Variants in FAR2 observed in about 807,000 individuals in gnomAD.
FAR2 encodes fatty acyl-CoA reductase 2.
FAR2 carries 19 observed loss-of-function variants against 56.0 expected under a neutral mutation model. The observed-to-expected ratio is 0.34, with a 90% CI of 0.24 to 0.50. FAR2 has a LOEUF of 0.50. FAR2 is among the 20% of genes least tolerant of loss of function. The pLI, the probability that FAR2 is intolerant of heterozygous loss-of-function variation, is 0.98. For missense variants in FAR2, 508 were observed against 642.2 expected (o/e 0.79, Z 2.26); for synonymous variants, 219 against 218.8 (o/e 1.00, Z -0.01).
At chr12:29,270,958 A>C (rs972146817) in intron 2 of FAR2, among the ~76,000 whole-genome samples, 1 of 152,102 alleles carries the variant, frequency 6.6e-6, no homozygotes, top group Non-Finnish European at 1.5e-5. Flanking sequence ...TTCTTCACTA[A>C]TTTTCTTTTA....
intron 1 of FAR2, chr12:29,151,844 C>T (rs996574354): frequency 6.6e-6 from 1 of 152,148 alleles, no homozygotes; most frequent in Non-Finnish European, 1.5e-5. Flanking sequence ...TGTACTATCT[C>T]TAAGTAAAAA....
At chr12:29,230,689 T>C (rs1400681661) in intron 1 of FAR2, among the ~76,000 whole-genome samples, 1 of 151,918 alleles carries the variant, frequency 6.6e-6, no homozygotes, top group Admixed American at 6.6e-5. Flanking sequence ...TGGATATACT[T>C]TGAAGGTAGA....
chr12:29,229,311 G>T (rs562048359), intron 1 of FAR2, among the ~76,000 whole-genome samples: 2 of 152,296 alleles, frequency 1.3e-5, no homozygotes, highest in South Asian at 4.1e-4. Context: ...AACAAGCTCT[G>T]CAGGTGACTG....
intron 1 of FAR2, among the ~76,000 whole-genome samples, chr12:29,195,999 A>G (rs1950140546): frequency 1.3e-5 from 2 of 152,162 alleles, no homozygotes; most frequent in Admixed American, 1.3e-4. Flanking sequence ...AATGGCCTAC[A>G]GTTTCATTCA....
chr12:29,331,082 C>A (rs1344677446), intron 10 of FAR2, among the ~76,000 whole-genome samples: 2 of 152,040 alleles, frequency 1.3e-5, no homozygotes, highest in Non-Finnish European at 2.9e-5. Flanking sequence ...CTAGGAATAT[C>A]ATTTATTTGA....
chr12:29,242,250 T>C (rs78422170), intron 1 of FAR2, among the ~76,000 whole-genome samples: 157 of 152,304 alleles, frequency 1.0e-3, no homozygotes, highest in Non-Finnish European at 1.8e-3. Flanking sequence ...GACAAAAAGC[T>C]TCTTTAAAAA....
chr12:29,326,902 G>A (rs998927341), intron 10 of FAR2, among the ~76,000 whole-genome samples: 2 of 152,082 alleles, frequency 1.3e-5, no homozygotes, highest in Non-Finnish European at 2.9e-5. Flanking sequence ...GTTCTGGCCA[G>A]GGCAATCAGG....
intron 10 of FAR2, among the ~76,000 whole-genome samples, chr12:29,329,308 T>A (rs1427819451): frequency 6.6e-6 from 1 of 152,224 alleles, no homozygotes; most frequent in Non-Finnish European, 1.5e-5. Context: ...ATTTTCTCCA[T>A]GGAATTTTCC....
chr12:29,307,986 C>A (rs1949281179), intron 5 of FAR2, 151 bp downstream of exon 5: 2 of 765,704 alleles, frequency 2.6e-6, no homozygotes, highest in Non-Finnish European at 2.0e-6. Flanking sequence ...GGGCAAAATT[C>A]CACTTTGGGT....
chr12:29,252,281 C>G (rs1451788177), intron 1 of FAR2, among the ~76,000 whole-genome samples: 2 of 152,102 alleles, frequency 1.3e-5, no homozygotes, highest in African/African-American at 4.8e-5. Context: ...AATGACCCAA[C>G]CCAGGCAGGA....
At chr12:29,149,931 C>T (rs983282522) in intron 1 of FAR2, among the ~76,000 whole-genome samples, 6 of 152,172 alleles carry the variant, frequency 3.9e-5, no homozygotes, top group Non-Finnish European at 5.9e-5. Context: ...GGAGCAGGTC[C>T]TCGCCAGCCC....
chr12:29,297,316 T>G, intron 4 of FAR2, 116 bp downstream of exon 4: 1 of 981,328 alleles, frequency 1.0e-6, no homozygotes, highest in Non-Finnish European at 1.5e-6. Context: ...AGCAAAATGT[T>G]TTGAAACGGT....
intron 8 of FAR2, among the ~76,000 whole-genome samples, chr12:29,312,290 T>C (rs1368420896): frequency 1.3e-5 from 2 of 152,168 alleles, no homozygotes; most frequent in African/African-American, 4.8e-5. Flanking sequence ...CAATGGCTCC[T>C]ACACACACCC....
chr12:29,333,484 C>G, intron 11 of FAR2, 148 bp from the exon 12 acceptor site: 1 of 688,280 alleles, frequency 1.5e-6, no homozygotes, highest in East Asian at 2.6e-5. Flanking sequence ...ATGAAAGACG[C>G]AGAAACCAAT....
In FAR2 at chr12:29,335,041, T is replaced by G. The variant is rs1012983855; in HGVS notation, c.*1247T>G. On this transcript the variant is annotated 3_prime_UTR_variant, in exon 12 of 12. Transcript: ENST00000536681. ...GCAGCATTTCTTCATGTTAAAAACA[T>G]GGAATATTATTCAAATATAGTACTT... The G allele has an allele frequency of 6.6e-6, 1 of 152,308 alleles. No homozygotes were observed. The highest frequency in any genetic ancestry group is 1.9e-4 in the East Asian group (1 of 5,190). 9.4% of individuals were successfully genotyped at this position (152,308 alleles called of 1,614,324 possible).
chr12:29,164,470 A>G (rs572637361), intron 1 of FAR2, among the ~76,000 whole-genome samples: 41 of 151,446 alleles, frequency 2.7e-4, no homozygotes, highest in African/African-American at 9.7e-4. Flanking sequence ...CCCTAGCCCA[A>G]CTCTTGGTAC....
chr12:29,262,760 A>G (rs1948443389), intron 1 of FAR2, among the ~76,000 whole-genome samples: 1 of 152,200 alleles, frequency 6.6e-6, no homozygotes. Context: ...ACAACCAGAA[A>G]CTAAATAACA....
Position 29,209,082 on chromosome 12 carries a change from T to TA in FAR2, c.-39+59689dup, listed in dbSNP as rs553750318. ...AGGTAATTCAGACCTGAACTAATCT[T>TA]AAAAAAAAAAAAAAGTACTACACAG... On this transcript the variant is annotated intron_variant, in intron 1 of 11. Coordinates refer to ENST00000536681, the MANE Select transcript of FAR2 (RefSeq NM_001271783.2). Among the ~76,000 whole-genome samples, 432 of 137,452 alleles carry TA rather than the reference T, an allele frequency of 3.1e-3. 4 individuals carry two copies. Among genetic ancestry groups the TA allele is most frequent in the Middle Eastern group, 7.2e-3 (2 of 276 alleles). The allele number at this position is 137,452 out of a possible 152,430, so 90.2% of individuals were successfully genotyped here.
At chr12:29,267,284 G>A (rs139921412) in intron 1 of FAR2, among the ~76,000 whole-genome samples, 3 of 152,272 alleles carry the variant, frequency 2.0e-5, no homozygotes, top group African/African-American at 7.2e-5. Flanking sequence ...TGTAAAACCA[G>A]TGACTATGCT....
Sources: gnomAD v4.1 joint callset for allele counts (sites outside exome capture counted in the v4.1 genomes callset) on GRCh38, gnomAD v4.1.1 for gene constraint, MANE v1.5 for transcripts, NCBI Gene and HGNC (gene_info 2026-07-23, HGNC 2026-07-21) for gene names.